DMXL2: variants seen among roughly 807,000 people sequenced by gnomAD.
The protein encoded by DMXL2 is Dmx like 2, also known as dmX-like protein 2.
DMXL2 carries 103 observed loss-of-function variants against 331.1 expected under a neutral mutation model. The ratio of observed to expected loss-of-function variants is 0.31; its 90% CI spans 0.27 to 0.37. The LOEUF is 0.37. Ranked by LOEUF, DMXL2 falls within the 10% of genes least tolerant of loss-of-function variation. The pLI is 1.00. For synonymous variants in DMXL2, 1,281 were observed against 1,252.1 expected, an observed-to-expected ratio of 1.02 and a Z score of -0.49; for missense variants, 3,171 against 3,642.9, an observed-to-expected ratio of 0.87 and a Z score of 3.33.
intron 1 of DMXL2, 22 bp from the exon 2 acceptor site, chr15:51,576,203 A>AAAAAT: frequency 7.3e-7 from 1 of 1,373,718 alleles, no homozygotes; most frequent in Non-Finnish European, 9.7e-7. Flanking sequence ...AAAAAAAAAA[A>AAAAAT]GTTTTACAAT....
chr15:51,487,384 C>A (rs1361837800), intron 22 of DMXL2, among the ~76,000 whole-genome samples: 1 of 152,048 alleles, frequency 6.6e-6, no homozygotes, highest in African/African-American at 2.4e-5. Flanking sequence ...AGAAGACATT[C>A]ATAAACTATT....
chr15:51,522,617 C>T (rs2047440992), intron 13 of DMXL2, among the ~76,000 whole-genome samples: 1 of 152,146 alleles, frequency 6.6e-6, no homozygotes, highest in Admixed American at 6.5e-5. Context: ...GCACTCCAGC[C>T]TGGGCTGATA....
chr15:51,537,045 G>A (rs1267700838), intron 11 of DMXL2, among the ~76,000 whole-genome samples, 183 bp from the exon 12 acceptor site: 4 of 152,054 alleles, frequency 2.6e-5, no homozygotes, highest in African/African-American at 9.7e-5. Flanking sequence ...CTAAGAGAAG[G>A]CTGAAGAAAA....
At chr15:51,508,586 CTGTA>C (rs1318967587) in intron 15 of DMXL2, among the ~76,000 whole-genome samples, 1 of 152,174 alleles carries the variant, frequency 6.6e-6, no homozygotes, top group Non-Finnish European at 1.5e-5. Flanking sequence ...GAGTACTTCT[CTGTA>C]TGTATATTAT....
chr15:51,551,859 T>G (rs1210068736), intron 6 of DMXL2, among the ~76,000 whole-genome samples: 1 of 152,216 alleles, frequency 6.6e-6, no homozygotes, highest in Non-Finnish European at 1.5e-5. Flanking sequence ...ATTATTGTTT[T>G]AATTACAATT....
chr15:51,564,323 G>A, intron 4 of DMXL2, 63 bp from the exon 5 acceptor site: 1 of 1,307,516 alleles, frequency 7.6e-7, no homozygotes, highest in Non-Finnish European at 1.0e-6. Context: ...AATGCACATG[G>A]GCTTCTGTTT....
chr15:51,609,106 G>T (rs1480558564), intron 1 of DMXL2, among the ~76,000 whole-genome samples: 1 of 148,884 alleles, frequency 6.7e-6, no homozygotes, highest in Non-Finnish European at 1.5e-5. Flanking sequence ...AGTTAAGAAT[G>T]CATCCTGTAA....
intron 42 of DMXL2, chr15:51,450,566 GAACACAGAGAGAAA>G (rs1361783255): frequency 4.7e-5 from 25 of 528,392 alleles, no homozygotes; most frequent in Non-Finnish European, 8.1e-5. Flanking sequence ...AATATGAAAT[GAACACAGAGAGAAA>G]AAGAAAGTTT....
In DMXL2 at chr15:51,595,004, C is replaced by G. The variant is rs576567861; in HGVS notation, c.88-18823G>C. On this transcript the variant is annotated intron_variant, in intron 1 of 43. Transcript: ENST00000560891. ...AAACTGGAAGCATTCCCTTTGAAAACTGGCACAAGACAGGGATGTCCTCTC... is the reference window on the plus strand; with the variant it reads ...AAACTGGAAGCATTCCCTTTGAAAAGTGGCACAAGACAGGGATGTCCTCTC... 1.2e-4 allele frequency among the ~76,000 whole-genome samples: 19 copies of G among 152,276 alleles called. No homozygotes were observed. In the South Asian group the frequency reaches 2.9e-3, roughly 23 times the overall value.
Position 51,471,347 on chromosome 15 carries a change from C to A in DMXL2, c.7268G>T (p.Arg2423Ile), listed in dbSNP as rs1477285232. 1 of 1,613,934 alleles carries A rather than the reference C, an allele frequency of 6.2e-7. No homozygotes were observed. Residue 2423 changes from arginine to isoleucine, a missense_variant, in exon 29 of 44, where the codon AGA becomes ATA. Physicochemically the swap from Arg to Ile is moderately conservative, Grantham distance 97. Coordinates refer to ENST00000560891, the MANE Select transcript of DMXL2 (RefSeq NM_001378457.1). ...TACAGGCCTTCCAGGGACGAGCATT[C>A]TCATGTTAAATCTCCTACGGTGTTT... ...IDKHRRRFNM[R>I]MLVPGRPVKD...
chr15:51,550,024 A>G (rs563895793), intron 6 of DMXL2, among the ~76,000 whole-genome samples: 1 of 152,264 alleles, frequency 6.6e-6, no homozygotes, highest in Non-Finnish European at 1.5e-5. Flanking sequence ...GCAAAAATCC[A>G]TAACAAAATA....
chr15:51,566,019 G>A (rs1367061455), intron 3 of DMXL2, among the ~76,000 whole-genome samples: 2 of 152,102 alleles, frequency 1.3e-5, no homozygotes, highest in East Asian at 3.9e-4. Context: ...ACCAGCCTGG[G>A]CAACATTGCA....
At chr15:51,563,233 T>C (rs1567122098) in intron 6 of DMXL2, 148 bp downstream of exon 6, 1 of 668,788 alleles carries the variant, frequency 1.5e-6, no homozygotes, top group Non-Finnish European at 2.4e-6. Context: ...CCAGGTCTTT[T>C]ACAAACACCA....
chr15:51,556,176 T>C (rs1053155366), intron 6 of DMXL2, among the ~76,000 whole-genome samples: 4 of 151,536 alleles, frequency 2.6e-5, no homozygotes, highest in African/African-American at 9.7e-5. Context: ...ACCCCGTCTC[T>C]ACTAAAAATA....
At position 51,498,961 on chromosome 15, in the gene DMXL2, A is replaced by G; in HGVS notation, c.4263T>C (p.Thr1421=). The change falls in exon 18 of 44, where the codon ACT becomes ACC. Residue 1421 remains threonine, a synonymous_variant. Coordinates refer to ENST00000560891, the MANE Select transcript of DMXL2 (RefSeq NM_001378457.1). ...TVGKDGTRDY[T]EIDSIPPLPL... is the part of the protein sequence containing the mutation. ...GTAGTGGAGGGATAGAATCTATCTC[A>G]GTATAATCTCGAGTACCATCTTTTC... is the stretch of plus-strand genomic sequence containing the variant. The G allele has an allele frequency of 1.2e-6, 2 of 1,614,068 alleles. No homozygotes were observed. Among genetic ancestry groups the G allele is most frequent in the Non-Finnish European group, 1.7e-6 (2 of 1,180,006 alleles).
At chr15:51,521,470 G>GGTAGTA (rs1350221640) in intron 13 of DMXL2, among the ~76,000 whole-genome samples, 3 of 148,958 alleles carry the variant, frequency 2.0e-5, no homozygotes, top group East Asian at 2.0e-4. Context: ...TAGTGGTAGT[G>GGTAGTA]GTAGTAGTAG....
intron 1 of DMXL2, among the ~76,000 whole-genome samples, chr15:51,581,976 T>A (rs898185717): frequency 6.6e-6 from 1 of 152,180 alleles, no homozygotes; most frequent in African/African-American, 2.4e-5. Context: ...GAATACTATA[T>A]CAAGAGTGTT....
chr15:51,502,048 G>A (rs1306877925), intron 17 of DMXL2, among the ~76,000 whole-genome samples: 1 of 151,374 alleles, frequency 6.6e-6, no homozygotes, highest in African/African-American at 2.4e-5. Context: ...GGCTAACACG[G>A]TGAAACCCCG....
chr15:51,591,300 C>A (rs530737392), intron 1 of DMXL2, among the ~76,000 whole-genome samples: 2 of 152,200 alleles, frequency 1.3e-5, no homozygotes, highest in Non-Finnish European at 2.9e-5. Flanking sequence ...GCGCCTGGCT[C>A]GGAGGGTCCT....
Sources: allele counts gnomAD v4.1 joint callset (sites outside exome capture counted in the v4.1 genomes callset), GRCh38; gene constraint gnomAD v4.1.1; transcripts MANE v1.5; gene names NCBI Gene and HGNC (gene_info 2026-07-23, HGNC 2026-07-21).